The following PTPRG variants were observed in gnomAD, a reference collection of about 807,000 sequenced individuals.
PTPRG encodes the protein receptor-type tyrosine-protein phosphatase gamma.
PTPRG carries 102 observed loss-of-function variants against 165.3 expected under a neutral mutation model. That is an observed-to-expected ratio of 0.62 (90% CI 0.53 to 0.73). The LOEUF is 0.73. PTPRG is among the 30% of genes least tolerant of loss of function. PTPRG has a pLI of 0.00. For missense variants in PTPRG, 1,866 were observed against 1,861.4 expected, an observed-to-expected ratio of 1.00 and a Z score of -0.05; for synonymous variants, 675 against 669.5, an observed-to-expected ratio of 1.01 and a Z score of -0.13.
At chr3:62,068,823 C>T (rs983022633) in intron 4 of PTPRG, among the ~76,000 whole-genome samples, 1 of 151,988 alleles carries the variant, frequency 6.6e-6, no homozygotes, top group African/African-American at 2.4e-5. Flanking sequence ...GGATTCCTGC[C>T]GTAAAGTAGT....
At chr3:61,667,030 A>C (rs1454994795) in intron 1 of PTPRG, among the ~76,000 whole-genome samples, 1 of 152,200 alleles carries the variant, frequency 6.6e-6, no homozygotes, top group East Asian at 1.9e-4. Context: ...TAATAATTTA[A>C]AAAGTACTTT....
At chr3:62,238,122 C>T (rs554814938) in intron 14 of PTPRG, among the ~76,000 whole-genome samples, 25 of 152,282 alleles carry the variant, frequency 1.6e-4, no homozygotes, top group Non-Finnish European at 2.5e-4. Flanking sequence ...GACGCTCATT[C>T]GGTGAGGCAA....
At chr3:61,714,175 A>G (rs937233081) in intron 1 of PTPRG, among the ~76,000 whole-genome samples, 8 of 152,184 alleles carry the variant, frequency 5.3e-5, no homozygotes, top group African/African-American at 1.9e-4. Flanking sequence ...GCCACAGCCT[A>G]TCTTTAGTCT....
At chr3:62,004,272 C>CT (rs2041240261) in intron 4 of PTPRG, among the ~76,000 whole-genome samples, 2 of 152,222 alleles carry the variant, frequency 1.3e-5, no homozygotes, top group African/African-American at 4.8e-5. Context: ...TGTGGTAAGC[C>CT]TTAGAAGTGT....
chr3:62,080,764 G>A (rs908878575), intron 5 of PTPRG, among the ~76,000 whole-genome samples: 1 of 152,138 alleles, frequency 6.6e-6, no homozygotes. Context: ...AGAATTTTAG[G>A]CAGGCAAGAC....
At chr3:62,230,070 GTTCCA>G (rs1384732898) in intron 13 of PTPRG, among the ~76,000 whole-genome samples, 10 of 152,202 alleles carry the variant, frequency 6.6e-5, no homozygotes, top group Admixed American at 6.5e-4. Context: ...AGTTGTTGTA[GTTCCA>G]GGATGTACTC....
At chr3:62,090,511 C>T (rs1000758544) in intron 5 of PTPRG, among the ~76,000 whole-genome samples, 1 of 152,116 alleles carries the variant, frequency 6.6e-6, no homozygotes, top group African/African-American at 2.4e-5. Flanking sequence ...TAATGGCTGT[C>T]AGACCAAAGT....
At chr3:61,753,627 C>T (rs2106935568) in intron 2 of PTPRG, 3 of 406,142 alleles carry the variant, frequency 7.4e-6, no homozygotes, top group Non-Finnish European at 9.5e-6. Context: ...CTCTTTCACC[C>T]AGGCTGGAGT....
chr3:62,171,931 C>T (rs541149147), intron 8 of PTPRG, among the ~76,000 whole-genome samples: 2 of 152,278 alleles, frequency 1.3e-5, no homozygotes, highest in Admixed American at 1.3e-4. Context: ...TCCCTTCCTC[C>T]AGGGCTAGGC....
At chr3:61,866,929 G>C (rs1253829350) in intron 2 of PTPRG, among the ~76,000 whole-genome samples, 1 of 152,146 alleles carries the variant, frequency 6.6e-6, no homozygotes, top group East Asian at 1.9e-4. Flanking sequence ...CAACGTCTGT[G>C]TTTGCAACGG....
At position 62,124,174 on chromosome 3, in the gene PTPRG, G is replaced by A. The variant is rs568214215; in HGVS notation, c.616-8428G>A. 155 of 730,676 alleles carry A rather than the reference G, an allele frequency of 2.1e-4. No homozygotes were observed. The African/African-American group carries it at 2.4e-3, about 11-fold the overall frequency. The allele number at this position is 730,676 out of a possible 1,614,324, so 45.3% of individuals were successfully genotyped here. On this transcript the variant is annotated intron_variant, in intron 5 of 29. Transcript: ENST00000474889. ...CTGTGAATTTGTTGTTGTCGTTGTT[G>A]TGCAAAGAAAAAAAAGAAGTCATGA...
At chr3:61,628,829 C>G (rs1260741102) in intron 1 of PTPRG, among the ~76,000 whole-genome samples, 1 of 152,126 alleles carries the variant, frequency 6.6e-6, no homozygotes, top group Non-Finnish European at 1.5e-5. Flanking sequence ...AGAATCACCC[C>G]TATTTTGCAA....
chr3:61,580,096 AT>A (rs1700253431), intron 1 of PTPRG, among the ~76,000 whole-genome samples: 2 of 152,280 alleles, frequency 1.3e-5, no homozygotes, highest in South Asian at 4.1e-4. Context: ...GGTTTATGTT[AT>A]TAGTAAGGCT....
chr3:62,119,769 G>A (rs956258421), intron 5 of PTPRG, among the ~76,000 whole-genome samples: 5 of 150,370 alleles, frequency 3.3e-5, no homozygotes, highest in Admixed American at 3.3e-4. Context: ...TACAGGCATG[G>A]GCCACCACGC....
chr3:61,920,953 C>T (rs1273736306), intron 2 of PTPRG, among the ~76,000 whole-genome samples: 1 of 152,042 alleles, frequency 6.6e-6, no homozygotes, highest in Non-Finnish European at 1.5e-5. Context: ...TTTGGTGTCT[C>T]CTATTCAATG....
At chr3:61,861,210 A>G (rs576907364) in intron 2 of PTPRG, among the ~76,000 whole-genome samples, 2 of 152,320 alleles carry the variant, frequency 1.3e-5, no homozygotes, top group African/African-American at 4.8e-5. Flanking sequence ...CTGAGCCTGT[A>G]TTATGATAGT....
intron 2 of PTPRG, among the ~76,000 whole-genome samples, chr3:61,908,451 G>A (rs1259310992): frequency 6.6e-6 from 1 of 151,292 alleles, no homozygotes; most frequent in African/African-American, 2.4e-5. Context: ...TTTCAGAAGT[G>A]GAAATCTAGT....
At chr3:61,673,755 A>T (rs1010451114) in intron 1 of PTPRG, among the ~76,000 whole-genome samples, 1 of 152,160 alleles carries the variant, frequency 6.6e-6, no homozygotes, top group Non-Finnish European at 1.5e-5. Flanking sequence ...CTTTCTGACT[A>T]TTGAACTCTG....
At chr3:61,602,947 C>G (rs543625879) in intron 1 of PTPRG, among the ~76,000 whole-genome samples, 16 of 152,300 alleles carry the variant, frequency 1.1e-4, no homozygotes, top group African/African-American at 3.6e-4. Flanking sequence ...GCATTTTACT[C>G]TGATCTGTGC....
Sources: allele counts gnomAD v4.1 joint callset (sites outside exome capture counted in the v4.1 genomes callset), GRCh38; gene constraint gnomAD v4.1.1; transcripts MANE v1.5; gene names NCBI Gene and HGNC (gene_info 2026-07-23, HGNC 2026-07-21).